Variants in CD226 observed in about 807,000 individuals in gnomAD.
CD226 encodes CD226 molecule, also known as CD226 antigen.
In CD226, 24 loss-of-function variants were observed where a neutral mutation model predicts 34.9. The ratio of observed to expected loss-of-function variants is 0.69; its 90% CI spans 0.50 to 0.97. The LOEUF (loss-of-function observed/expected upper bound fraction) is 0.97. Among genes scored for constraint, CD226 ranks in the 50% least tolerant of loss-of-function variants. The pLI is 0.00. For missense variants in CD226, 397 were observed against 412.7 expected, an observed-to-expected ratio of 0.96 and a Z score of 0.33; for synonymous variants, 148 against 147.4, an observed-to-expected ratio of 1.00 and a Z score of -0.03.
intron 3 of CD226, among the ~76,000 whole-genome samples, chr18:69,881,371 G>C (rs1351525713): frequency 6.6e-6 from 1 of 152,116 alleles, no homozygotes; most frequent in African/African-American, 2.4e-5. Flanking sequence ...TTAGACATTG[G>C]TTTATTGAAA....
chr18:69,925,889 T>C (rs996201212), intron 2 of CD226, among the ~76,000 whole-genome samples: 1 of 152,150 alleles, frequency 6.6e-6, no homozygotes, highest in African/African-American at 2.4e-5. Flanking sequence ...CTGCCTGTAA[T>C]CCCAGCACTT....
chr18:69,923,386 A>C (rs1201063580), intron 2 of CD226, among the ~76,000 whole-genome samples: 1 of 152,178 alleles, frequency 6.6e-6, no homozygotes, highest in African/African-American at 2.4e-5. Context: ...CTCACTGGTT[A>C]GAATCCTGCC....
At chr18:69,879,052 AG>A (rs1454260145) in intron 3 of CD226, among the ~76,000 whole-genome samples, 12 of 152,296 alleles carry the variant, frequency 7.9e-5, no homozygotes, top group African/African-American at 2.9e-4. Flanking sequence ...CAATTTTCAA[AG>A]GGGAGGGAGT....
intron 4 of CD226, among the ~76,000 whole-genome samples, chr18:69,869,799 CTTTTTTTTTT>C (rs1002754140): frequency 8.2e-6 from 1 of 121,694 alleles, no homozygotes; most frequent in Non-Finnish European, 1.7e-5. Context: ...TCTTTTTTTT[CTTTTTTTTTT>C]TTTTTTTTTG....
intron 3 of CD226, among the ~76,000 whole-genome samples, chr18:69,880,084 C>G (rs553921754): frequency 6.6e-6 from 1 of 151,606 alleles, no homozygotes; most frequent in South Asian, 2.1e-4. Flanking sequence ...ATGCTCTGCA[C>G]TAGTAGGTAG....
At position 69,862,277 on chromosome 18, in the gene CD226, G is replaced by T. The variant is rs1259810130; in HGVS notation, c.*2037C>A. The stretch of plus-strand genomic sequence containing the variant: ...CCTGCTCACATACACTAATCATTGA[G>T]AATTTGGTTATTGGAGTTTTCCAGA... On this transcript the variant is annotated 3_prime_UTR_variant, in exon 6 of 6. Transcript: ENST00000582621. 1 of 152,084 alleles carries T rather than the reference G, an allele frequency of 6.6e-6. No homozygotes were observed. The highest frequency in any genetic ancestry group is 2.4e-5 in the African/African-American group (1 of 41,432). 9.4% of individuals were successfully genotyped at this position (152,084 alleles called of 1,614,324 possible). A position where few individuals can be genotyped will look rare whatever the true frequency, so the allele number is the denominator to read the frequency against.
rs1480586063 is a variant in CD226, at chr18:69,947,585, T to C, written c.-179A>G. On this transcript the variant is annotated 5_prime_UTR_variant, in exon 1 of 6. Coordinates refer to ENST00000582621, the MANE Select transcript of CD226 (RefSeq NM_001303618.2). ...TTAGCTTAAAAGACAGGTTTGCTCCTTTATGAGGATGGGCAGATTTGAGTT... is the reference window on the plus strand; with the variant it reads ...TTAGCTTAAAAGACAGGTTTGCTCCCTTATGAGGATGGGCAGATTTGAGTT... 2.3e-6 allele frequency: 1 copy of C among 428,452 alleles called. No homozygotes were observed. The highest frequency in any genetic ancestry group is 4.2e-6 in the Non-Finnish European group (1 of 238,740). The allele number at this position is 428,452 out of a possible 1,614,324, so 26.5% of individuals were successfully genotyped here.
At chr18:69,942,186 C>T (rs963629194) in intron 2 of CD226, among the ~76,000 whole-genome samples, 3 of 152,238 alleles carry the variant, frequency 2.0e-5, no homozygotes, top group Admixed American at 6.5e-5. Flanking sequence ...TATTTCTTCA[C>T]AGCAGTGTGA....
upstream of CD226, among the ~76,000 whole-genome samples, chr18:69,949,271 C>T (rs2055826603): frequency 6.6e-6 from 1 of 152,122 alleles, no homozygotes; most frequent in Admixed American, 6.5e-5. Flanking sequence ...AACATGGAGC[C>T]GCCGAGGAGC....
intron 4 of CD226, among the ~76,000 whole-genome samples, chr18:69,872,169 T>C (rs1320114873): frequency 1.3e-5 from 2 of 151,922 alleles, no homozygotes; most frequent in Non-Finnish European, 1.5e-5. Flanking sequence ...ATTAAGTATC[T>C]ATGATATGCC....
chr18:69,886,376 C>A (rs1275266877), intron 3 of CD226, among the ~76,000 whole-genome samples: 1 of 152,170 alleles, frequency 6.6e-6, no homozygotes, highest in African/African-American at 2.4e-5. Flanking sequence ...ATTCTTAGAA[C>A]AGCTACTTAT....
At chr18:69,910,124 A>C (rs1389171967) in intron 2 of CD226, among the ~76,000 whole-genome samples, 3 of 152,232 alleles carry the variant, frequency 2.0e-5, no homozygotes, top group Non-Finnish European at 4.4e-5. Flanking sequence ...ATGCATTTTA[A>C]AATTTCTGTA....
rs141335618 is a variant in CD226 at position 69,934,456 on chromosome 18, G to C, written c.382+12278C>G. ...AGAATGTTAAGTTTCTTAGGATTCT[G>C]CTCATTAAATGGTGCAGCTAAATGC... is the stretch of plus-strand genomic sequence containing the variant. On this transcript the variant is annotated intron_variant, in intron 2 of 5. Transcript: ENST00000582621. 6.6e-4 allele frequency among the ~76,000 whole-genome samples: 101 copies of C among 152,302 alleles called. 1 individual carries two copies. The highest frequency in any genetic ancestry group is 2.4e-3 in the African/African-American group (101 of 41,562).
At chr18:69,949,771 C>G (rs895094098), upstream of CD226, among the ~76,000 whole-genome samples, 1 of 152,072 alleles carries the variant, frequency 6.6e-6, no homozygotes, top group African/African-American at 2.4e-5. Context: ...CACCCACACA[C>G]ACATGCTCAC....
At chr18:69,937,115 T>C (rs76099476) in intron 2 of CD226, among the ~76,000 whole-genome samples, 5,569 of 152,342 alleles carry the variant, frequency 0.037, 341 homozygotes, top group African/African-American at 0.13. Flanking sequence ...TACAATTGCA[T>C]AGTGCATCTG....
At chr18:69,890,289 A>C (rs1201872132) in intron 3 of CD226, among the ~76,000 whole-genome samples, 1 of 152,152 alleles carries the variant, frequency 6.6e-6, no homozygotes, top group African/African-American at 2.4e-5. Flanking sequence ...TGATAACCAG[A>C]GTTTGGAACA....
intron 2 of CD226, among the ~76,000 whole-genome samples, chr18:69,923,410 C>CTGCCCCCTCCTCAAA (rs1180950108): frequency 6.6e-6 from 1 of 152,112 alleles, no homozygotes; most frequent in East Asian, 1.9e-4. Context: ...TCCTCAAAAC[C>CTGCCCCCTCCTCAAA]AACTGCGAAA....
In CD226 at chr18:69,946,859, A is replaced by C. The variant is rs748881338; in HGVS notation, c.257T>G (p.Met86Arg). Residue 86 changes from methionine to arginine, a missense_variant, in exon 2 of 6, where the codon ATG becomes AGG. Physicochemically the swap from Met to Arg is moderately conservative, Grantham distance 91 (BLOSUM62 -1). Transcript: ENST00000582621. ...AERVYFLNST[M>R]ASNNMTLFFR... ...GAAAAGAGTCATGTTATTGGAAGCCATCGTTGAATTCAAAAAGTAAACCCT... is the reference window on the plus strand; with the variant it reads ...GAAAAGAGTCATGTTATTGGAAGCCCTCGTTGAATTCAAAAAGTAAACCCT... The C allele has an allele frequency of 2.5e-6, 4 of 1,614,174 alleles. No homozygotes were observed. In the East Asian group the frequency reaches 8.9e-5, roughly 36 times the overall value.
chr18:69,888,708 T>C lies in CD226; in HGVS notation c.727+6993A>G, dbSNP rs76544268. 4.6e-5 allele frequency among the ~76,000 whole-genome samples: 7 copies of C among 152,268 alleles called. No individual in the cohort carries two copies. In the South Asian group the frequency reaches 1.4e-3, roughly 32 times the overall value. ...ACCTGTAGAACAGCAGTTCCTAGGA[T>C]CAACTGCTTTCTAATTCTACAAACT... is the stretch of plus-strand genomic sequence containing the variant. On this transcript the variant is annotated intron_variant, in intron 3 of 5. Transcript: ENST00000582621.
Sources: gnomAD v4.1 joint callset for allele counts (sites outside exome capture counted in the v4.1 genomes callset) on GRCh38, gnomAD v4.1.1 for gene constraint, MANE v1.5 for transcripts, NCBI Gene and HGNC (gene_info 2026-07-23, HGNC 2026-07-21) for gene names.